CUL5: variants seen among roughly 807,000 people sequenced by gnomAD.
CUL5 encodes cullin-5.
Under a neutral mutation model 108.8 loss-of-function variants are expected in CUL5, and 26 were observed. The observed-to-expected ratio is 0.24, with a 90% CI of 0.18 to 0.33. CUL5 has a LOEUF of 0.33. Ranked by LOEUF, CUL5 falls within the 10% of genes least tolerant of loss-of-function variation. CUL5 has a pLI of 1.00. For missense variants in CUL5, 524 were observed against 909.2 expected (o/e 0.58, Z 5.45); for synonymous variants, 334 against 298.0 (o/e 1.12, Z -1.25).
intron 1 of CUL5, among the ~76,000 whole-genome samples, chr11:108,015,338 C>G (rs1413636844): frequency 2.0e-5 from 3 of 152,200 alleles, no homozygotes; most frequent in Non-Finnish European, 4.4e-5. Flanking sequence ...AGCACAGAGT[C>G]AGGATCATGC....
At chr11:108,061,113 A>G (rs1013787028) in intron 7 of CUL5, among the ~76,000 whole-genome samples, 3 of 152,230 alleles carry the variant, frequency 2.0e-5, no homozygotes, top group African/African-American at 7.2e-5. Context: ...TTGATGGCAT[A>G]TGGCAAAAAG....
intron 2 of CUL5, among the ~76,000 whole-genome samples, chr11:108,044,119 C>T (rs1863006055): frequency 2.0e-5 from 3 of 152,102 alleles, no homozygotes; most frequent in South Asian, 2.1e-4. Flanking sequence ...TTATAGCATC[C>T]TAGGCACTGG....
chr11:108,093,103 C>G (rs1864397159), intron 13 of CUL5, among the ~76,000 whole-genome samples: 1 of 152,086 alleles, frequency 6.6e-6, no homozygotes, highest in Non-Finnish European at 1.5e-5. Flanking sequence ...GGCATGAGCC[C>G]AGCCAAATTG....
At chr11:108,033,192 C>G (rs1862639444) in intron 1 of CUL5, among the ~76,000 whole-genome samples, 1 of 152,202 alleles carries the variant, frequency 6.6e-6, no homozygotes, top group South Asian at 2.1e-4. Flanking sequence ...GTGGTCAGGA[C>G]ACATTTCTCT....
chr11:108,010,356 A>T (rs1031010791), intron 1 of CUL5, among the ~76,000 whole-genome samples: 2 of 152,262 alleles, frequency 1.3e-5, no homozygotes, highest in African/African-American at 2.4e-5. Context: ...AGAAAATAAT[A>T]GAAAATATAC....
chr11:108,014,936 T>C (rs1226412359), intron 1 of CUL5, among the ~76,000 whole-genome samples: 1 of 152,210 alleles, frequency 6.6e-6, no homozygotes, highest in Non-Finnish European at 1.5e-5. Context: ...TCTCACTCTC[T>C]TGCCCAGGCT....
intron 2 of CUL5, among the ~76,000 whole-genome samples, chr11:108,044,916 C>T (rs151171303): frequency 0.016 from 2,375 of 151,944 alleles, 55 homozygotes; most frequent in African/African-American, 0.054. Flanking sequence ...TGCACACCAC[C>T]ACGCCTGGCT....
rs183733487 is a variant in CUL5 at position 108,060,089 on chromosome 11, A to G, written c.780+5134A>G. Among the ~76,000 whole-genome samples the G allele has an allele frequency of 9.2e-5, 14 of 152,242 alleles. No individual in the cohort carries two copies. The East Asian group carries it at 1.9e-3, about 21-fold the overall frequency. ...GATTTAAAAAGCTGAATAAGCAACT[A>G]GGTCACAAGTTATAAATTATTAACA... On this transcript the variant is annotated intron_variant, in intron 7 of 18. Coordinates refer to ENST00000393094, the MANE Select transcript of CUL5 (RefSeq NM_003478.6).
intron 13 of CUL5, among the ~76,000 whole-genome samples, chr11:108,093,007 G>T (rs1014127226): frequency 3.3e-5 from 5 of 151,904 alleles, no homozygotes; most frequent in Non-Finnish European, 4.4e-5. Flanking sequence ...AGCAGAGATG[G>T]GTTTCACCAT....
chr11:108,083,755 G>T (rs1864155612), intron 11 of CUL5, among the ~76,000 whole-genome samples: 1 of 152,202 alleles, frequency 6.6e-6, no homozygotes. Context: ...TCCAGTCTGG[G>T]CAACAGAGTG....
At position 108,086,698 on chromosome 11, in the gene CUL5, T is replaced by C. The variant is rs61914389; in HGVS notation, c.1179-1829T>C. 5.3e-3 allele frequency among the ~76,000 whole-genome samples: 803 copies of C among 152,330 alleles called. 5 individuals carry two copies. The highest frequency in any genetic ancestry group is 7.4e-3 in the Non-Finnish European group (503 of 68,026). ...CTAAAATTCCACCCTGTGATGGAAGTATCACAGCAGTTTTTCCTTTCTGTT... is the reference window on the plus strand; with the variant it reads ...CTAAAATTCCACCCTGTGATGGAAGCATCACAGCAGTTTTTCCTTTCTGTT... On this transcript the variant is annotated intron_variant, in intron 11 of 18. Coordinates refer to ENST00000393094, the MANE Select transcript of CUL5 (RefSeq NM_003478.6).
intron 13 of CUL5, among the ~76,000 whole-genome samples, chr11:108,091,787 TAGAC>T (rs1222141582): frequency 6.6e-6 from 1 of 151,250 alleles, no homozygotes; most frequent in Non-Finnish European, 1.5e-5. Flanking sequence ...TCACAGAAGA[TAGAC>T]AGATGGCCAA....
chr11:108,055,834 C>T (rs1197287347), intron 7 of CUL5, among the ~76,000 whole-genome samples: 1 of 152,076 alleles, frequency 6.6e-6, no homozygotes, highest in Non-Finnish European at 1.5e-5. Flanking sequence ...TTTCACCTTG[C>T]TGCCCAGGCT....
chr11:108,011,391 AC>A (rs1265222500), intron 1 of CUL5, among the ~76,000 whole-genome samples: 1 of 152,204 alleles, frequency 6.6e-6, no homozygotes, highest in Non-Finnish European at 1.5e-5. Flanking sequence ...CACAGCACAG[AC>A]CTGTGAATGG....
intron 11 of CUL5, 43 bp from the exon 12 acceptor site, chr11:108,088,484 C>T: frequency 6.4e-7 from 1 of 1,552,534 alleles, no homozygotes; most frequent in Non-Finnish European, 8.7e-7. Flanking sequence ...TAATTGCAAA[C>T]ATTAATCATT....
In CUL5 at chr11:108,104,714, T is replaced by G. The variant is rs1035305237; in HGVS notation, c.*330T>G. ...AGGGTGAGGGTGGGGTTCTTGTTGC[T>G]TTTTTCTCTTTTTTCCTCTCTTAAA... is the stretch of plus-strand genomic sequence containing the variant. On this transcript the variant is annotated 3_prime_UTR_variant, in exon 19 of 19. Coordinates refer to ENST00000393094, the MANE Select transcript of CUL5 (RefSeq NM_003478.6). 2 of 169,972 alleles carry G rather than the reference T, an allele frequency of 1.2e-5. No individual in the cohort carries two copies. Among genetic ancestry groups the G allele is most frequent in the African/African-American group, 4.7e-5 (2 of 42,244 alleles). 10.5% of individuals were successfully genotyped at this position (169,972 alleles called of 1,614,324 possible). A position where few individuals can be genotyped will look rare whatever the true frequency, so the allele number is the denominator to read the frequency against.
At position 108,009,381 on chromosome 11, in the gene CUL5, C is replaced by T; in HGVS notation, c.24+9C>T. ...CGTCTAATCTGTTAAAGGTAAGACC[C>T]TCACTCCAGCTTGGGTTTTACTGTG... is the stretch of plus-strand genomic sequence containing the variant. On this transcript the variant is annotated intron_variant, in intron 1 of 18. Coordinates refer to ENST00000393094, the MANE Select transcript of CUL5 (RefSeq NM_003478.6). The T allele has an allele frequency of 1.2e-6, 2 of 1,613,566 alleles. No individual in the cohort carries two copies. The highest frequency in any genetic ancestry group is 1.1e-5 in the South Asian group (1 of 91,020).
chr11:108,064,908 T>A (rs573383178), intron 7 of CUL5, among the ~76,000 whole-genome samples: 25 of 152,254 alleles, frequency 1.6e-4, no homozygotes, highest in Non-Finnish European at 3.1e-4. Context: ...TCAGACAGTT[T>A]GAGTAGAATT....
chr11:108,018,202 G>T (rs1164923201), intron 1 of CUL5, among the ~76,000 whole-genome samples: 1 of 152,198 alleles, frequency 6.6e-6, no homozygotes, highest in Non-Finnish European at 1.5e-5. Context: ...TAAGGCAAAG[G>T]TCTTGAGGTG....
Sources: gnomAD v4.1 joint callset for allele counts (sites outside exome capture counted in the v4.1 genomes callset) on GRCh38, gnomAD v4.1.1 for gene constraint, MANE v1.5 for transcripts, NCBI Gene and HGNC (gene_info 2026-07-23, HGNC 2026-07-21) for gene names.